Variants in CLNK observed in about 807,000 individuals in gnomAD.
CLNK encodes the protein cytokine dependent hematopoietic cell linker, also known as cytokine-dependent hematopoietic cell linker.
A neutral mutation model predicts 68.6 loss-of-function variants in CLNK; 74 were observed. The ratio of observed to expected loss-of-function variants is 1.08; its 90% CI spans 0.89 to 1.31. CLNK has a LOEUF of 1.31. CLNK is among the 50% of genes most tolerant of loss of function. CLNK has a pLI of 0.00. For missense variants in CLNK, 553 were observed against 515.3 expected (o/e 1.07, Z -0.71); for synonymous variants, 198 against 172.2 (o/e 1.15, Z -1.17).
chr4:10,693,449 G>A, the CLNK span, among the ~76,000 whole-genome samples: 1 of 152,198 alleles, frequency 6.6e-6, no homozygotes, highest in Non-Finnish European at 1.5e-5. Flanking sequence ...AGACAGCCAT[G>A]GGAAGACAGA....
intron 1 of CLNK, among the ~76,000 whole-genome samples, chr4:10,673,007 C>T (rs750584248): frequency 1.4e-4 from 22 of 152,224 alleles, no homozygotes; most frequent in Non-Finnish European, 2.8e-4. Flanking sequence ...CAATTTTTAG[C>T]GGAATGTTTT....
the CLNK span, among the ~76,000 whole-genome samples, chr4:10,722,792 G>A: frequency 6.6e-6 from 1 of 152,230 alleles, no homozygotes; most frequent in African/African-American, 2.4e-5. Flanking sequence ...GCTCACGCCT[G>A]TTATTCCAGC....
chr4:10,610,488 C>T (rs554683071), intron 2 of CLNK, among the ~76,000 whole-genome samples: 2 of 152,000 alleles, frequency 1.3e-5, no homozygotes, highest in Non-Finnish European at 2.9e-5. Context: ...TTTCCCCCCT[C>T]TTCTTTTTGG....
intron 2 of CLNK, among the ~76,000 whole-genome samples, chr4:10,623,576 A>T (rs56155811): frequency 6.6e-6 from 1 of 152,228 alleles, no homozygotes; most frequent in Non-Finnish European, 1.5e-5. Flanking sequence ...CTTCTACTTC[A>T]TTGGATAATT....
At chr4:10,629,465 G>A (rs965503243) in intron 2 of CLNK, among the ~76,000 whole-genome samples, 8 of 152,168 alleles carry the variant, frequency 5.3e-5, no homozygotes, top group Admixed American at 4.6e-4. Context: ...GTTCACAGAT[G>A]AGGCCCCCTG....
At position 10,684,389 on chromosome 4, in the gene CLNK, A is replaced by T. The variant is rs114017397; in HGVS notation, c.-43+279T>A. Reference sequence around the variant, plus strand: ...TGGTCTTTAGATTTCAGTTGCAAACAGTCGGGGAGTCCAAGCTCCAGGAAA... The same window carrying T: ...TGGTCTTTAGATTTCAGTTGCAAACTGTCGGGGAGTCCAAGCTCCAGGAAA... On this transcript the variant is annotated intron_variant, in intron 1 of 18. Coordinates refer to ENST00000226951, the MANE Select transcript of CLNK (RefSeq NM_052964.4). Among the ~76,000 whole-genome samples the T allele has an allele frequency of 2.9e-3, 435 of 152,314 alleles. 4 individuals carry two copies. Among genetic ancestry groups the T allele is most frequent in the African/African-American group, 1.0e-2 (415 of 41,574 alleles).
chr4:10,705,385 A>G, the CLNK span, among the ~76,000 whole-genome samples: 1 of 152,240 alleles, frequency 6.6e-6, no homozygotes, highest in Admixed American at 6.5e-5. Flanking sequence ...TAAACAATAC[A>G]GTTTTAAAAA....
intron 2 of CLNK, among the ~76,000 whole-genome samples, chr4:10,605,420 G>A (rs978102489): frequency 2.0e-5 from 3 of 152,084 alleles, no homozygotes; most frequent in Non-Finnish European, 4.4e-5. Context: ...CAAACCTAAA[G>A]AGCATGTTAC....
In CLNK at chr4:10,490,592, T is replaced by C; in HGVS notation, c.1162A>G (p.Ile388Val). ...GDEKFDSVED[I>V]IEHYKNFPII... ...GGAAAATTCTTGTAGTGTTCGATGATGTCTTCTACTGAATCAAACTTCTGA... is the reference window on the plus strand; with the variant it reads ...GGAAAATTCTTGTAGTGTTCGATGACGTCTTCTACTGAATCAAACTTCTGA... The change falls in exon 19 of 19, where the codon ATC (isoleucine) becomes GTC (valine). Residue 388 changes from isoleucine to valine, a missense_variant. Ile to Val is a conservative substitution (Grantham distance 29). Transcript: ENST00000226951. 4 of 1,573,602 alleles carry C rather than the reference T, an allele frequency of 2.5e-6. No individual in the cohort carries two copies. Among genetic ancestry groups the C allele is most frequent in the Non-Finnish European group, 2.6e-6 (3 of 1,158,548 alleles).
At chr4:10,642,133 G>A (rs1169419924) in intron 2 of CLNK, among the ~76,000 whole-genome samples, 3 of 152,134 alleles carry the variant, frequency 2.0e-5, no homozygotes, top group Non-Finnish European at 4.4e-5. Context: ...TTTCAATAAA[G>A]GCAAAGGCAT....
At chr4:10,584,983 A>AT (rs749206391) in intron 3 of CLNK, 28 bp from the exon 4 acceptor site, 1 of 1,612,920 alleles carries the variant, frequency 6.2e-7, no homozygotes, top group Non-Finnish European at 8.5e-7. Flanking sequence ...ACCAAGTTAA[A>AT]TGTCCATTGC....
chr4:10,607,574 G>T (rs1230668292), intron 2 of CLNK, among the ~76,000 whole-genome samples: 2 of 152,182 alleles, frequency 1.3e-5, no homozygotes, highest in East Asian at 3.8e-4. Flanking sequence ...GAATTTGGAG[G>T]CTGTTTTTGT....
At chr4:10,677,606 C>A (rs903585763) in intron 1 of CLNK, among the ~76,000 whole-genome samples, 1 of 151,894 alleles carries the variant, frequency 6.6e-6, no homozygotes, top group Non-Finnish European at 1.5e-5. Context: ...TGGGTGAGTT[C>A]TCACAAGATC....
At chr4:10,658,973 C>T (rs917569633) in intron 2 of CLNK, among the ~76,000 whole-genome samples, 14 of 152,056 alleles carry the variant, frequency 9.2e-5, no homozygotes, top group African/African-American at 2.2e-4. Flanking sequence ...GGAGGTGAGG[C>T]GGGTGGATTA....
rs1381869650 is a variant in CLNK, at chr4:10,549,896, G to C, written c.446-7616C>G. ...ATTTGCCCAGAGACTCATTGGCTTTGCAGTCTCAGGACAGATCTCACAAAG... is the reference window on the plus strand; with the variant it reads ...ATTTGCCCAGAGACTCATTGGCTTTCCAGTCTCAGGACAGATCTCACAAAG... On this transcript the variant is annotated intron_variant, in intron 8 of 18. Coordinates refer to ENST00000226951, the MANE Select transcript of CLNK (RefSeq NM_052964.4). Among the ~76,000 whole-genome samples the C allele has an allele frequency of 2.0e-5, 3 of 152,216 alleles. No individual in the cohort carries two copies. The East Asian group carries it at 5.8e-4, about 29-fold the overall frequency.
intron 1 of CLNK, among the ~76,000 whole-genome samples, chr4:10,670,404 G>A (rs546789507): frequency 2.0e-5 from 3 of 152,256 alleles, no homozygotes; most frequent in Admixed American, 2.0e-4. Context: ...GCATTAAGTA[G>A]CATCGAAATG....
intron 12 of CLNK, among the ~76,000 whole-genome samples, chr4:10,529,978 C>T (rs1410046656): frequency 6.6e-6 from 1 of 151,272 alleles, no homozygotes; most frequent in Non-Finnish European, 1.5e-5. Flanking sequence ...CTCTCTCCCT[C>T]TTTCTCCTTC....
intron 4 of CLNK, among the ~76,000 whole-genome samples, chr4:10,572,751 T>A (rs1720399495): frequency 6.6e-6 from 1 of 152,240 alleles, no homozygotes; most frequent in Non-Finnish European, 1.5e-5. Context: ...CTAAGTATTG[T>A]GGAGGACCAC....
intron 2 of CLNK, among the ~76,000 whole-genome samples, chr4:10,627,568 C>T (rs1051570760): frequency 1.3e-5 from 2 of 152,058 alleles, no homozygotes; most frequent in Non-Finnish European, 2.9e-5. Context: ...TGGATACTGT[C>T]AAGGCCAGGG....
Sources: allele counts gnomAD v4.1 joint callset (sites outside exome capture counted in the v4.1 genomes callset), GRCh38; gene constraint gnomAD v4.1.1; transcripts MANE v1.5; gene names NCBI Gene and HGNC (gene_info 2026-07-23, HGNC 2026-07-21).